Variants in KIAA0825 observed in about 807,000 individuals in gnomAD.
KIAA0825 encodes the protein KIAA0825, also known as uncharacterized protein KIAA0825.
In KIAA0825, 119 loss-of-function variants were observed where a neutral mutation model predicts 147.6. That is an observed-to-expected ratio of 0.81 (90% CI 0.69 to 0.94). The LOEUF (loss-of-function observed/expected upper bound fraction) is 0.94. Among genes scored for constraint, KIAA0825 ranks in the 40% least tolerant of loss-of-function variants. KIAA0825 has a pLI of 0.00. For missense variants in KIAA0825, 1,381 were observed against 1,472.7 expected, an observed-to-expected ratio of 0.94 and a Z score of 1.02; for synonymous variants, 470 against 518.1, an observed-to-expected ratio of 0.91 and a Z score of 1.26.
chr5:94,450,316 C>T (rs1758241664), intron 13 of KIAA0825, among the ~76,000 whole-genome samples: 1 of 148,082 alleles, frequency 6.8e-6, no homozygotes, highest in Admixed American at 6.8e-5. Context: ...GATGTCCCAC[C>T]TTCCAATAAT....
chr5:94,447,959 A>G (rs1428489963), intron 13 of KIAA0825, among the ~76,000 whole-genome samples: 1 of 152,094 alleles, frequency 6.6e-6, no homozygotes, highest in Non-Finnish European at 1.5e-5. Context: ...GTGTACAGTT[A>G]TGACCTACTT....
At chr5:94,353,623 G>T (rs1000742765) in intron 20 of KIAA0825, among the ~76,000 whole-genome samples, 2 of 152,094 alleles carry the variant, frequency 1.3e-5, no homozygotes, top group Non-Finnish European at 2.9e-5. Context: ...CATATTTTTT[G>T]ATGATTTCAA....
At chr5:94,379,163 C>T (rs1215725979) in intron 20 of KIAA0825, among the ~76,000 whole-genome samples, 2 of 152,076 alleles carry the variant, frequency 1.3e-5, no homozygotes, top group South Asian at 2.1e-4. Flanking sequence ...GCATCTTCAT[C>T]GTGAAATCTT....
chr5:94,321,080 A>T (rs1486561596), intron 20 of KIAA0825, among the ~76,000 whole-genome samples: 1 of 152,016 alleles, frequency 6.6e-6, no homozygotes, highest in African/African-American at 2.4e-5. Flanking sequence ...TTACTATTTG[A>T]CAGTTTGTGT....
At chr5:94,521,454 T>C (rs1258279415) in intron 4 of KIAA0825, among the ~76,000 whole-genome samples, 5 of 151,772 alleles carry the variant, frequency 3.3e-5, no homozygotes, top group African/African-American at 9.7e-5. Flanking sequence ...AAAATATACC[T>C]TTCTGAGAAG....
At chr5:94,518,079 T>G (rs1003001956) in intron 5 of KIAA0825, among the ~76,000 whole-genome samples, 2 of 152,194 alleles carry the variant, frequency 1.3e-5, no homozygotes, top group African/African-American at 4.8e-5. Context: ...TACTTAAGGA[T>G]TGTCCTTTCT....
At chr5:94,311,978 C>T (rs1363759382) in intron 20 of KIAA0825, among the ~76,000 whole-genome samples, 1 of 151,636 alleles carries the variant, frequency 6.6e-6, no homozygotes, top group Non-Finnish European at 1.5e-5. Context: ...AGCTCCAGAG[C>T]TCCTGCCTGT....
At chr5:94,372,470 A>G (rs1414839932) in intron 20 of KIAA0825, among the ~76,000 whole-genome samples, 3 of 152,114 alleles carry the variant, frequency 2.0e-5, no homozygotes, top group African/African-American at 7.2e-5. Flanking sequence ...TCTTCTGTGC[A>G]CCCGCAGTAC....
rs370948781 is a variant in KIAA0825, at chr5:94,403,187, AAACTT to A, written c.2887+377_2887+381del. On this transcript the variant is annotated intron_variant, in intron 16 of 20. Transcript: ENST00000682413. ...GTAATAATTAGTGTTTGCAGGGAAAAAACTTAAAGGAAAAAATAATTAAATGGAAT... is the reference window on the plus strand; with the variant it reads ...GTAATAATTAGTGTTTGCAGGGAAAAAAAGGAAAAAATAATTAAATGGAAT... 1.0e-3 allele frequency among the ~76,000 whole-genome samples: 153 copies of A among 152,284 alleles called. 2 individuals carry two copies. Among genetic ancestry groups the A allele is most frequent in the African/African-American group, 3.5e-3 (147 of 41,550 alleles).
intron 2 of KIAA0825, among the ~76,000 whole-genome samples, chr5:94,579,541 C>A (rs1045654743): frequency 6.6e-6 from 1 of 152,144 alleles, no homozygotes; most frequent in Non-Finnish European, 1.5e-5. Context: ...AGAACATCAC[C>A]GTACAATGAA....
At chr5:94,579,438 T>C (rs1319777057) in intron 2 of KIAA0825, among the ~76,000 whole-genome samples, 1 of 152,228 alleles carries the variant, frequency 6.6e-6, no homozygotes, top group Non-Finnish European at 1.5e-5. Context: ...ATTAAAAGCA[T>C]ATATTGTATC....
At chr5:94,224,603 T>A (rs1773991864) in intron 20 of KIAA0825, among the ~76,000 whole-genome samples, 2 of 152,178 alleles carry the variant, frequency 1.3e-5, no homozygotes, top group Non-Finnish European at 2.9e-5. Context: ...TGACTATAAA[T>A]GTTTTTGATA....
At chr5:94,378,008 G>T (rs1013853498) in intron 20 of KIAA0825, among the ~76,000 whole-genome samples, 10 of 152,160 alleles carry the variant, frequency 6.6e-5, no homozygotes, top group Admixed American at 2.0e-4. Flanking sequence ...GTTATGACTT[G>T]AACTGGATCA....
chr5:94,293,533 A>G (rs1363423856), intron 20 of KIAA0825, among the ~76,000 whole-genome samples: 3 of 152,120 alleles, frequency 2.0e-5, no homozygotes, highest in Non-Finnish European at 4.4e-5. Flanking sequence ...ACTTCCAATT[A>G]TGTGATCAAT....
chr5:94,351,693 T>C (rs997065447), intron 20 of KIAA0825, among the ~76,000 whole-genome samples: 1 of 152,120 alleles, frequency 6.6e-6, no homozygotes, highest in Admixed American at 6.5e-5. Flanking sequence ...CAAACTATAC[T>C]AGAAGGCCAT....
At chr5:94,379,136 T>A (rs1235925169) in intron 20 of KIAA0825, among the ~76,000 whole-genome samples, 1 of 152,248 alleles carries the variant, frequency 6.6e-6, no homozygotes, top group Non-Finnish European at 1.5e-5. Flanking sequence ...ATTTTGGTTT[T>A]TGTTTCAATT....
intron 11 of KIAA0825, among the ~76,000 whole-genome samples, chr5:94,464,663 T>C (rs1466125024): frequency 6.6e-6 from 1 of 152,204 alleles, no homozygotes; most frequent in Non-Finnish European, 1.5e-5. Context: ...CTATAGACGA[T>C]TTTAAGGAAT....
rs779925033 is a variant in KIAA0825, at chr5:94,520,558, C to T, written c.660G>A (p.Leu220=). The T allele has an allele frequency of 1.2e-6, 2 of 1,613,234 alleles. No homozygotes were observed. Among genetic ancestry groups the T allele is most frequent in the African/African-American group, 2.7e-5 (2 of 74,988 alleles). The change falls in exon 5 of 21, where the codon TTG becomes TTA. Residue 220 remains leucine (L), a synonymous_variant. Coordinates refer to ENST00000682413, the MANE Select transcript of KIAA0825 (RefSeq NM_001145678.3). ...GAAAGCAGTTCCACAGAAGATTAGC[C>T]AACAGTTTATTCTGTATGTTTTGGT... ...IKYQNIQNKL[L]ANLLWNCFPS...
At chr5:94,547,435 T>C (rs1235431718) in intron 2 of KIAA0825, among the ~76,000 whole-genome samples, 3 of 151,846 alleles carry the variant, frequency 2.0e-5, no homozygotes, top group Non-Finnish European at 2.9e-5. Context: ...CCAAAAGTCA[T>C]AGATTAAAAA....
Sources: allele counts gnomAD v4.1 joint callset (sites outside exome capture counted in the v4.1 genomes callset), GRCh38; gene constraint gnomAD v4.1.1; transcripts MANE v1.5; gene names NCBI Gene and HGNC (gene_info 2026-07-23, HGNC 2026-07-21).